Variants in TRIM66 observed in about 807,000 individuals in gnomAD.
The protein encoded by TRIM66 is tripartite motif-containing protein 66.
A neutral mutation model predicts 148.2 loss-of-function variants in TRIM66; 99 were observed. The observed-to-expected ratio is 0.67, with a 90% CI of 0.57 to 0.79. TRIM66 has a LOEUF of 0.79. Among genes scored for constraint, TRIM66 ranks in the 30% least tolerant of loss-of-function variants. The pLI is 0.00. For synonymous variants in TRIM66, 616 were observed against 635.9 expected, an observed-to-expected ratio of 0.97 and a Z score of 0.47; for missense variants, 1,666 against 1,697.9, an observed-to-expected ratio of 0.98 and a Z score of 0.33.
At chr11:8,645,934 T>C in intron 11 of TRIM66, 47 bp from the exon 12 acceptor site, 2 of 1,536,434 alleles carry the variant, frequency 1.3e-6, no homozygotes, top group East Asian at 2.5e-5. Context: ...TACTGGACTG[T>C]AATCCACCTG....
At chr11:8,645,621 T>C (rs1407498761) in intron 12 of TRIM66, 120 bp downstream of exon 12, 3 of 1,184,862 alleles carry the variant, frequency 2.5e-6, no homozygotes. Context: ...TGCTATGTTA[T>C]TCCTCCTTCC....
At position 8,672,295 on chromosome 11, in the gene TRIM66, C is replaced by A. The variant is rs990885441; in HGVS notation, c.-21G>T. 9.8e-6 allele frequency: 15 copies of A among 1,535,986 alleles called. No homozygotes were observed. The highest frequency in any genetic ancestry group is 1.3e-5 in the Non-Finnish European group (15 of 1,146,912). On this transcript the variant is annotated 5_prime_UTR_variant, in exon 5 of 25. Transcript: ENST00000646038. Reference sequence around the variant, plus strand: ...GCCATCTCTGCCGTGGAAAACAAAGCGTGGAGGTGTCTGCTGTTTGTCTGA... The same window carrying A: ...GCCATCTCTGCCGTGGAAAACAAAGAGTGGAGGTGTCTGCTGTTTGTCTGA...
In TRIM66 at chr11:8,651,860, C is replaced by T; in HGVS notation, c.384G>A (p.Arg128=). The part of the protein sequence containing the change: ...CPGCERVYLT[R]DVTEHFFLHC... ...GCAGAAAAAAATGTTCAGTTACATCCCTGGTAAGATATACTCGTTCACACC... is the reference window on the plus strand; with the variant it reads ...GCAGAAAAAAATGTTCAGTTACATCTCTGGTAAGATATACTCGTTCACACC... Residue 128 remains arginine, a synonymous_variant, in exon 7 of 25, where the codon AGG becomes AGA. Coordinates refer to ENST00000646038, the MANE Select transcript of TRIM66 (RefSeq NM_001388022.1). 2 of 1,551,646 alleles carry T rather than the reference C, an allele frequency of 1.3e-6. No homozygotes were observed.
At chr11:8,660,713 C>T (rs138702784) in intron 6 of TRIM66, among the ~76,000 whole-genome samples, 2 of 152,282 alleles carry the variant, frequency 1.3e-5, no homozygotes, top group South Asian at 2.1e-4. Context: ...ATTCTGATTA[C>T]GGGGATTTTG....
rs774620298 is a variant in TRIM66 at position 8,646,577 on chromosome 11, G to C, written c.843-16C>G. 3.9e-6 allele frequency: 6 copies of C among 1,539,260 alleles called. No individual in the cohort carries two copies. The highest frequency in any genetic ancestry group is 1.2e-5 in the South Asian group (1 of 83,836). ...TTCAAAAATCCTGTAAACACAATGG[G>C]ACAAACCATGGTAAGCTTTCCTCAT... On this transcript the variant is annotated splice_polypyrimidine_tract_variant and intron_variant, in intron 10 of 24. Transcript: ENST00000646038.
At chr11:8,631,749 A>T (rs1433016760) in intron 15 of TRIM66, among the ~76,000 whole-genome samples, 2 of 152,202 alleles carry the variant, frequency 1.3e-5, no homozygotes, top group African/African-American at 2.4e-5. Context: ...TCCCAAGAAA[A>T]CCATATATTT....
intron 6 of TRIM66, among the ~76,000 whole-genome samples, chr11:8,669,177 G>GC (rs2038781224): frequency 6.6e-6 from 1 of 152,114 alleles, no homozygotes. Context: ...AGCATAGACT[G>GC]CCTTATGTTG....
At chr11:8,642,862 AAAAAAAG>A in intron 13 of TRIM66, 140 bp downstream of exon 13, 1 of 424,860 alleles carries the variant, frequency 2.4e-6, no homozygotes, top group African/African-American at 2.0e-5. Context: ...AAAAAAAAAA[AAAAAAAG>A]GTTTGCTGAA....
chr11:8,645,055 C>T (rs554620942), intron 12 of TRIM66, among the ~76,000 whole-genome samples: 8 of 152,310 alleles, frequency 5.3e-5, no homozygotes, highest in Admixed American at 3.3e-4. Flanking sequence ...CTGAAAATGA[C>T]GGTATTCCCT....
chr11:8,618,977 G>A lies in TRIM66; in HGVS notation c.3901-9C>T, dbSNP rs2033941957. ...GCAACCTCGGAGTCAGGCTGATGGG[G>A]GAGGAGAGCAGTGATGGTCTAGCCT... On this transcript the variant is annotated splice_polypyrimidine_tract_variant and intron_variant, in intron 23 of 24. Coordinates refer to ENST00000646038, the MANE Select transcript of TRIM66 (RefSeq NM_001388022.1). The A allele has an allele frequency of 1.9e-6, 3 of 1,550,744 alleles. No homozygotes were observed. The highest frequency in any genetic ancestry group is 1.4e-5 in the African/African-American group (1 of 72,996).
chr11:8,644,451 G>C (rs2133152613), intron 12 of TRIM66: 1 of 453,614 alleles, frequency 2.2e-6, no homozygotes, highest in South Asian at 1.6e-5. Flanking sequence ...AGAAAAAAAA[G>C]ACACCATAAA....
chr11:8,638,528 G>T, intron 15 of TRIM66, 126 bp downstream of exon 15: 1 of 1,054,070 alleles, frequency 9.5e-7, no homozygotes, highest in Non-Finnish European at 1.4e-6. Flanking sequence ...ATGAATCAGG[G>T]CTGTGTAGCG....
chr11:8,634,728 C>A (rs191503906), intron 15 of TRIM66, among the ~76,000 whole-genome samples: 1 of 152,306 alleles, frequency 6.6e-6, no homozygotes, highest in Admixed American at 6.5e-5. Flanking sequence ...CTAGAACTTT[C>A]ACATCTCATT....
intron 13 of TRIM66, among the ~76,000 whole-genome samples, chr11:8,642,638 T>C (rs1337853208): frequency 1.3e-5 from 2 of 151,960 alleles, no homozygotes; most frequent in Non-Finnish European, 2.9e-5. Context: ...CGTGTATACC[T>C]TTGTGTGACC....
chr11:8,619,467 C>T lies in TRIM66; in HGVS notation c.3816G>A (p.Lys1272=), dbSNP rs1343980448. ...DLSIIRRKLQ[K]KDPAHYTTPE... is the part of the protein sequence containing the mutation. ...GGGTGGTATAGTGAGCTGGGTCCTT[C>T]TTTTGCAGCTTCCTCCGGATGATTG... The change falls in exon 23 of 25, where the codon AAG becomes AAA. Residue 1272 remains lysine, a synonymous_variant. Transcript: ENST00000646038. 2.6e-6 allele frequency: 4 copies of T among 1,551,428 alleles called. No individual in the cohort carries two copies.
At chr11:8,661,596 A>G (rs1033802370) in intron 6 of TRIM66, among the ~76,000 whole-genome samples, 2 of 152,132 alleles carry the variant, frequency 1.3e-5, no homozygotes, top group Non-Finnish European at 2.9e-5. Flanking sequence ...TGTAGTTTCT[A>G]CTGGCCCTCA....
chr11:8,682,998 C>G (rs570193399), upstream of TRIM66: 458 of 910,776 alleles, frequency 5.0e-4, 3 homozygotes, highest in Middle Eastern at 2.5e-3. Flanking sequence ...GTGTTAGGCC[C>G]GCGGTTCGGA....
rs568867136 is a variant in TRIM66, at chr11:8,630,154, A to G, written c.2311-4926T>C. ...CAAGGGTAGGGCCAACCTTCAGAGC[A>G]AGGAAAGCAGGCTGAGTCTCCAGGG... On this transcript the variant is annotated intron_variant, in intron 15 of 24. Transcript: ENST00000646038. Among the ~76,000 whole-genome samples, 8 of 152,304 alleles carry G rather than the reference A, an allele frequency of 5.3e-5. No individual in the cohort carries two copies. In the South Asian group the frequency reaches 1.7e-3, roughly 32 times the overall value.
intron 6 of TRIM66, among the ~76,000 whole-genome samples, chr11:8,662,330 G>C (rs1210723701): frequency 6.6e-6 from 1 of 152,216 alleles, no homozygotes; most frequent in African/African-American, 2.4e-5. Flanking sequence ...TGCTCATTAA[G>C]ATAAGTGTCA....
Sources: allele counts gnomAD v4.1 joint callset (sites outside exome capture counted in the v4.1 genomes callset), GRCh38; gene constraint gnomAD v4.1.1; transcripts MANE v1.5; gene names NCBI Gene and HGNC (gene_info 2026-07-23, HGNC 2026-07-21).